Variants in NF1 observed in about 807,000 individuals in gnomAD.
NF1 encodes the protein neurofibromin.
In NF1, 122 loss-of-function variants were observed where a neutral mutation model predicts 325.7. That is an observed-to-expected ratio of 0.37 (90% CI 0.32 to 0.44). The LOEUF (loss-of-function observed/expected upper bound fraction) is 0.44. Among genes scored for constraint, NF1 ranks in the 20% least tolerant of loss-of-function variants. The probability of loss-of-function intolerance (pLI) is 1.00; values close to 1 mark genes in which losing one functional copy is unlikely to be tolerated. For missense variants in NF1, 2,140 were observed against 3,415.4 expected (o/e 0.63, Z 9.31); for synonymous variants, 1,091 against 1,186.0 (o/e 0.92, Z 1.65).
intron 1 of NF1, among the ~76,000 whole-genome samples, chr17:31,149,215 T>C (rs1916766896): frequency 6.6e-6 from 1 of 152,174 alleles, no homozygotes; most frequent in Non-Finnish European, 1.5e-5. Context: ...TTTATTTAAG[T>C]GTCACTGTGT....
In NF1 at chr17:31,220,790, T is replaced by C. The variant is rs1403022419; in HGVS notation, c.1642-1060T>C. ...CTTTCAATATGTATTTTTAAAGTTT[T>C]ATCAAACAAAAATATAGAGAATTTG... On this transcript the variant is annotated intron_variant, in intron 14 of 57. Transcript: ENST00000358273. 2.6e-5 allele frequency among the ~76,000 whole-genome samples: 4 copies of C among 152,288 alleles called. No individual in the cohort carries two copies. In the East Asian group the frequency reaches 7.7e-4, roughly 29 times the overall value.
intron 36 of NF1, among the ~76,000 whole-genome samples, chr17:31,270,997 T>A (rs1022556511): frequency 1.3e-5 from 2 of 152,214 alleles, no homozygotes; most frequent in African/African-American, 4.8e-5. Context: ...TACTAAAGTT[T>A]GGGAATCTCA....
rs2070275358 is a variant in NF1, at chr17:31,356,562, C to G, written c.7718C>G (p.Ala2573Gly). ...ITTPPKMRRV[A>G]ETDYEMETQR... ...ACACCCCCCAAAATGAGGAGAGTAG[C>G]AGAAACTGATTATGAAATGGGTGAG... Residue 2573 changes from alanine to glycine, a missense_variant, in exon 52 of 58, where the codon GCA becomes GGA. Transcript: ENST00000358273. The G allele has an allele frequency of 6.2e-7, 1 of 1,613,644 alleles. No individual in the cohort carries two copies. Among genetic ancestry groups the G allele is most frequent in the Non-Finnish European group, 8.5e-7 (1 of 1,179,722 alleles).
intron 14 of NF1, among the ~76,000 whole-genome samples, chr17:31,219,643 A>G (rs1344680150): frequency 1.2e-5 from 1 of 80,874 alleles, no homozygotes; most frequent in Non-Finnish European, 2.3e-5. Context: ...CTCCCCCCTA[A>G]GTAGTTCTTA....
chr17:31,260,337 T>G (rs757809402), intron 33 of NF1, 32 bp from the exon 34 acceptor site: 1 of 1,610,744 alleles, frequency 6.2e-7, no homozygotes, highest in Non-Finnish European at 8.5e-7. Context: ...GTATCTGGTG[T>G]TGAAAATTCT....
At chr17:31,359,836 C>G (rs551701357) in intron 56 of NF1, 2 of 155,904 alleles carry the variant, frequency 1.3e-5, no homozygotes, top group South Asian at 1.9e-4. Context: ...TATGTGGGCT[C>G]TCTCCAAATT....
At chr17:31,254,273 C>CCA (rs2067543301) in intron 31 of NF1, 1 of 75,750 alleles carries the variant, frequency 1.3e-5, no homozygotes, top group African/African-American at 4.9e-5. Flanking sequence ...CCCTGTCTCA[C>CCA]AAAAAAAAAA....
At chr17:31,236,544 A>G (rs1489187309) in intron 29 of NF1, among the ~76,000 whole-genome samples, 1 of 151,574 alleles carries the variant, frequency 6.6e-6, no homozygotes, top group Non-Finnish European at 1.5e-5. Context: ...GGTTCGTGTG[A>G]TTCTCCTGCC....
At chr17:31,100,885 A>G (rs1234273872) in intron 1 of NF1, among the ~76,000 whole-genome samples, 1 of 152,140 alleles carries the variant, frequency 6.6e-6, no homozygotes, top group African/African-American at 2.4e-5. Context: ...CATCCTTTAG[A>G]AAGATTTCTT....
chr17:31,197,501 TG>T, intron 8 of NF1, among the ~76,000 whole-genome samples: 1 of 152,256 alleles, frequency 6.6e-6, no homozygotes, highest in East Asian at 1.9e-4. Context: ...AGCAATGTTT[TG>T]TAGTTTTTTA....
chr17:31,279,084 T>A (rs2068069544), intron 36 of NF1, among the ~76,000 whole-genome samples: 1 of 151,796 alleles, frequency 6.6e-6, no homozygotes, highest in African/African-American at 2.4e-5. Flanking sequence ...ACAAAGTACA[T>A]TTAAAAAAAA....
In NF1 at chr17:31,287,460, A is replaced by G. The variant is rs547017211; in HGVS notation, c.4835+22121A>G. On this transcript the variant is annotated intron_variant, in intron 36 of 57. Transcript: ENST00000358273. Reference sequence around the variant, plus strand: ...CACCAATATAGTTAGAATTATTTTGATCAGACAAGAGCGAAGCAGTTTTCC... The same window carrying G: ...CACCAATATAGTTAGAATTATTTTGGTCAGACAAGAGCGAAGCAGTTTTCC... Among the ~76,000 whole-genome samples the G allele has an allele frequency of 1.1e-4, 16 of 152,272 alleles. No homozygotes were observed. The South Asian group carries it at 3.3e-3, about 32-fold the overall frequency.
chr17:31,216,773 A>G (rs982537008), intron 13 of NF1, among the ~76,000 whole-genome samples: 6 of 152,140 alleles, frequency 3.9e-5, no homozygotes, highest in African/African-American at 1.2e-4. Flanking sequence ...CACATGTAGC[A>G]TTACATTTTT....
chr17:31,166,659 T>C (rs1351315677), intron 4 of NF1, among the ~76,000 whole-genome samples: 1 of 152,184 alleles, frequency 6.6e-6, no homozygotes, highest in Non-Finnish European at 1.5e-5. Flanking sequence ...GTTAAGCTTC[T>C]TTGTGCTGGT....
intron 13 of NF1, among the ~76,000 whole-genome samples, chr17:31,216,730 G>A (rs1319465947): frequency 3.3e-5 from 5 of 151,942 alleles, no homozygotes; most frequent in Admixed American, 6.6e-5. Context: ...CTACAGGGTC[G>A]TGCAAAATCT....
Position 31,173,426 on chromosome 17 carries a change from ATAAAAT to A in NF1, c.586+3430_586+3435del, listed in dbSNP as rs1338563986. Reference sequence around the variant, plus strand: ...CTCCGTCTCTAAATAAATAAATAAAATAAAATAAAAATACAAAAAATTAGCCGGGTG... The same window carrying A: ...CTCCGTCTCTAAATAAATAAATAAAAAAAAATACAAAAAATTAGCCGGGTG... On this transcript the variant is annotated intron_variant, in intron 5 of 57. Coordinates refer to ENST00000358273, the MANE Select transcript of NF1 (RefSeq NM_001042492.3). Among the ~76,000 whole-genome samples, 3 of 152,058 alleles carry A rather than the reference ATAAAAT, an allele frequency of 2.0e-5. No individual in the cohort carries two copies. In the East Asian group the frequency reaches 5.8e-4, roughly 29 times the overall value.
chr17:31,174,349 G>A (rs778722163), intron 5 of NF1, among the ~76,000 whole-genome samples: 9 of 152,134 alleles, frequency 5.9e-5, no homozygotes, highest in Non-Finnish European at 8.8e-5. Flanking sequence ...AGGCACTTTC[G>A]TATGCTGCTT....
intron 36 of NF1, chr17:31,296,386 G>A: frequency 1.9e-6 from 3 of 1,604,384 alleles, no homozygotes; most frequent in East Asian, 2.2e-5. Flanking sequence ...ATACAGTTTA[G>A]GCATCTGCAT....
At chr17:31,295,642 G>T in intron 36 of NF1, 1 of 1,614,090 alleles carries the variant, frequency 6.2e-7, no homozygotes, top group Non-Finnish European at 8.5e-7. Context: ...TTTGTTTGTG[G>T]TCACATGACC....
Sources: gnomAD v4.1 joint callset for allele counts (sites outside exome capture counted in the v4.1 genomes callset) on GRCh38, gnomAD v4.1.1 for gene constraint, MANE v1.5 for transcripts, NCBI Gene and HGNC (gene_info 2026-07-23, HGNC 2026-07-21) for gene names.